SAMD12: variants seen among roughly 807,000 people sequenced by gnomAD.
SAMD12 encodes sterile alpha motif domain containing 12.
SAMD12 carries 9 observed loss-of-function variants against 15.0 expected under a neutral mutation model. The observed-to-expected ratio is 0.60, with a 90% CI of 0.36 to 1.05. The LOEUF (loss-of-function observed/expected upper bound fraction) is 1.05. Among genes scored for constraint, SAMD12 ranks in the 50% least tolerant of loss-of-function variants. The probability of loss-of-function intolerance (pLI) is 0.01; values close to 1 mark genes in which losing one functional copy is unlikely to be tolerated. For synonymous variants in SAMD12, 86 were observed against 90.1 expected (o/e 0.96, Z 0.25); for missense variants, 230 against 234.2 (o/e 0.98, Z 0.12).
chr8:118,275,244 TATG>T (rs1428668848), intron 4 of SAMD12, among the ~76,000 whole-genome samples: 10 of 152,326 alleles, frequency 6.6e-5, no homozygotes, highest in African/African-American at 2.4e-4. Context: ...AGTAAGTTGA[TATG>T]ATGAACAATT....
At chr8:118,186,481 C>A (rs1819244864), downstream of SAMD12, among the ~76,000 whole-genome samples, 1 of 152,070 alleles carries the variant, frequency 6.6e-6, no homozygotes, top group African/African-American at 2.4e-5. Flanking sequence ...AGATTTCAAG[C>A]CCCACAAGGC....
chr8:118,264,398 G>T (rs1453338807), intron 4 of SAMD12, among the ~76,000 whole-genome samples: 1 of 152,026 alleles, frequency 6.6e-6, no homozygotes, highest in Non-Finnish European at 1.5e-5. Flanking sequence ...TAGTGTTTTT[G>T]ATTTTAAAGC....
the SAMD12 span, among the ~76,000 whole-genome samples, chr8:118,145,506 G>C: frequency 6.6e-6 from 1 of 152,136 alleles, no homozygotes; most frequent in Non-Finnish European, 1.5e-5. Context: ...CTGGGAGCTG[G>C]AGGTAAAATT....
intron 4 of SAMD12, among the ~76,000 whole-genome samples, chr8:118,368,598 G>T (rs1392867048): frequency 6.6e-6 from 1 of 152,180 alleles, no homozygotes; most frequent in Non-Finnish European, 1.5e-5. Context: ...CCTAGGTAAT[G>T]TTGCTCATGG....
rs143294635 is a variant in SAMD12 at position 118,198,960 on chromosome 8, T to C, written c.434-1228A>G. Among the ~76,000 whole-genome samples the C allele has an allele frequency of 9.5e-4, 145 of 152,030 alleles. 2 individuals carry two copies. In the East Asian group the frequency reaches 0.024, roughly 25 times the overall value. On this transcript the variant is annotated intron_variant, in intron 4 of 4. Transcript: ENST00000409003. ...GAGGTTATTTATCATAGAGGAAAAA[T>C]TGGAAGCAACCACTCTCTTATTGTT...
At chr8:118,475,664 T>C (rs955991722) in intron 2 of SAMD12, among the ~76,000 whole-genome samples, 32 of 152,236 alleles carry the variant, frequency 2.1e-4, no homozygotes, top group Admixed American at 1.7e-3. Context: ...GGGACTTAAA[T>C]AACATTTGTT....
At position 118,456,855 on chromosome 8, in the gene SAMD12, C is replaced by T. The variant is rs534067858; in HGVS notation, c.193-16894G>A. ...CACAAGTGTGAGCTAAACAGACCAA[C>T]AAATCTAATAAGGAAGTTTGTATGA... On this transcript the variant is annotated intron_variant, in intron 2 of 3. Coordinates refer to ENST00000314727, the MANE Select transcript of SAMD12 (RefSeq NM_207506.3). Among the ~76,000 whole-genome samples the T allele has an allele frequency of 3.3e-5, 5 of 152,294 alleles. No homozygotes were observed. The South Asian group carries it at 1.0e-3, about 32-fold the overall frequency.
chr8:118,373,949 C>T (rs1027211697), downstream of SAMD12, among the ~76,000 whole-genome samples: 22 of 151,932 alleles, frequency 1.4e-4, 1 homozygote, highest in African/African-American at 4.6e-4. Flanking sequence ...TTTTTTACTT[C>T]GTAAAGCAGG....
At chr8:118,343,720 C>T (rs1199786226) in intron 4 of SAMD12, among the ~76,000 whole-genome samples, 1 of 151,928 alleles carries the variant, frequency 6.6e-6, no homozygotes, top group African/African-American at 2.4e-5. Flanking sequence ...TCCATCTCTA[C>T]CACAGACCCC....
intron 4 of SAMD12, among the ~76,000 whole-genome samples, chr8:118,265,315 C>A (rs78588434): frequency 0.037 from 5,647 of 152,134 alleles, 344 homozygotes; most frequent in African/African-American, 0.13. Context: ...ATATGTAGAA[C>A]AAATGAGGCA....
Position 118,502,278 on chromosome 8 carries a change from C to G in SAMD12, c.193-62317G>C, listed in dbSNP as rs558734545. Among the ~76,000 whole-genome samples, 5 of 152,196 alleles carry G rather than the reference C, an allele frequency of 3.3e-5. No individual in the cohort carries two copies. The South Asian group carries it at 1.0e-3, about 32-fold the overall frequency. On this transcript the variant is annotated intron_variant, in intron 2 of 3. Transcript: ENST00000314727. ...AAATAGAAATTTGAACTTGTAACAT[C>G]TTTTTATTATTAAAACCAATCAATT...
intron 2 of SAMD12, among the ~76,000 whole-genome samples, chr8:118,467,075 A>G (rs1352442852): frequency 1.3e-5 from 2 of 152,210 alleles, no homozygotes; most frequent in African/African-American, 4.8e-5. Flanking sequence ...GCAGCTGGGA[A>G]CAGAAAATGA....
At chr8:118,390,403 A>G (rs1820210384) in intron 3 of SAMD12, among the ~76,000 whole-genome samples, 1 of 74,426 alleles carries the variant, frequency 1.3e-5, no homozygotes, top group African/African-American at 8.6e-5. Flanking sequence ...GGCTGACTTT[A>G]GGAGTGGACT....
intron 4 of SAMD12, chr8:118,197,817 C>G: frequency 8.8e-7 from 1 of 1,138,864 alleles, no homozygotes; most frequent in Non-Finnish European, 1.3e-6. Context: ...CTTATTCAAA[C>G]AAACCCTAAC....
intron 2 of SAMD12, among the ~76,000 whole-genome samples, chr8:118,527,519 T>G (rs1269150762): frequency 6.6e-6 from 1 of 152,190 alleles, no homozygotes; most frequent in African/African-American, 2.4e-5. Context: ...ATGATAAAAT[T>G]GTATTTTTTC....
At chr8:118,143,990 G>A in the SAMD12 span, among the ~76,000 whole-genome samples, 1 of 152,102 alleles carries the variant, frequency 6.6e-6, no homozygotes, top group Non-Finnish European at 1.5e-5. Flanking sequence ...TGTTGGCGGG[G>A]CTGTGTTCCC....
chr8:118,246,437 T>C (rs571936414), intron 4 of SAMD12, among the ~76,000 whole-genome samples: 45 of 152,300 alleles, frequency 3.0e-4, no homozygotes, highest in African/African-American at 9.4e-4. Flanking sequence ...GGAAATCATT[T>C]TGATATCATG....
At chr8:118,509,298 G>A (rs1387665642) in intron 2 of SAMD12, among the ~76,000 whole-genome samples, 2 of 152,142 alleles carry the variant, frequency 1.3e-5, no homozygotes, top group African/African-American at 4.8e-5. Context: ...TAACTTTCAA[G>A]GTCTGACTCA....
intron 2 of SAMD12, among the ~76,000 whole-genome samples, chr8:118,467,427 T>C (rs972018868): frequency 6.6e-6 from 1 of 152,144 alleles, no homozygotes; most frequent in Non-Finnish European, 1.5e-5. Flanking sequence ...TGAATGTTTA[T>C]TTTTATTATT....
Sources: gnomAD v4.1 joint callset for allele counts (sites outside exome capture counted in the v4.1 genomes callset) on GRCh38, gnomAD v4.1.1 for gene constraint, MANE v1.5 for transcripts, NCBI Gene and HGNC (gene_info 2026-07-23, HGNC 2026-07-21) for gene names.